The following TENM4 variants were observed in gnomAD, a reference collection of about 807,000 sequenced individuals.
The protein encoded by TENM4 is teneurin transmembrane protein 4, also known as teneurin-4.
TENM4 carries 82 observed loss-of-function variants against 243.3 expected under a neutral mutation model. That is an observed-to-expected ratio of 0.34 (90% CI 0.28 to 0.40). The LOEUF is 0.40. Among genes scored for constraint, TENM4 ranks in the 10% least tolerant of loss-of-function variants. The pLI is 1.00. For synonymous variants in TENM4, 1,412 were observed against 1,456.3 expected, an observed-to-expected ratio of 0.97 and a Z score of 0.69; for missense variants, 3,138 against 3,673.3, an observed-to-expected ratio of 0.85 and a Z score of 3.77.
At chr11:79,215,517 A>AC (rs113538412) in intron 3 of TENM4, among the ~76,000 whole-genome samples, 4,521 of 151,828 alleles carry the variant, frequency 0.03, 217 homozygotes, top group African/African-American at 0.1. Flanking sequence ...TGCTGCCAGC[A>AC]CCCCCATCAC....
intron 17 of TENM4, among the ~76,000 whole-genome samples, chr11:78,777,427 A>G (rs1856759157): frequency 6.6e-6 from 1 of 152,228 alleles, no homozygotes; most frequent in Non-Finnish European, 1.5e-5. Flanking sequence ...ATCTCTTATT[A>G]AAAGCCAATT....
At chr11:78,729,063 G>A (rs1348919935) in intron 22 of TENM4, among the ~76,000 whole-genome samples, 1 of 152,094 alleles carries the variant, frequency 6.6e-6, no homozygotes, top group Non-Finnish European at 1.5e-5. Context: ...GGATGGCTGT[G>A]GGGTGGCCAG....
intron 19 of TENM4, among the ~76,000 whole-genome samples, chr11:78,744,925 C>T (rs755544460): frequency 2.0e-5 from 3 of 152,140 alleles, no homozygotes; most frequent in Non-Finnish European, 4.4e-5. Flanking sequence ...TCATTTCTAA[C>T]CTCATAGCGA....
intron 17 of TENM4, among the ~76,000 whole-genome samples, chr11:78,776,927 A>G (rs1856751057): frequency 6.6e-6 from 1 of 152,124 alleles, no homozygotes; most frequent in African/African-American, 2.4e-5. Context: ...ACATGGATAA[A>G]GTCAGGAAAT....
intron 1 of TENM4, among the ~76,000 whole-genome samples, chr11:79,303,213 A>G (rs1856577258): frequency 6.6e-6 from 1 of 152,168 alleles, no homozygotes; most frequent in Non-Finnish European, 1.5e-5. Flanking sequence ...GAGGAACTGG[A>G]ATAACTGGTG....
intron 2 of TENM4, among the ~76,000 whole-genome samples, chr11:79,238,672 CTCT>C (rs1864527601): frequency 1.3e-5 from 2 of 152,108 alleles, no homozygotes; most frequent in African/African-American, 4.8e-5. Flanking sequence ...CTTTCTCTCT[CTCT>C]CTCTCTCTCC....
intron 4 of TENM4, among the ~76,000 whole-genome samples, chr11:79,113,929 G>A (rs902961161): frequency 2.6e-5 from 4 of 152,160 alleles, no homozygotes; most frequent in African/African-American, 9.7e-5. Context: ...ACCAGACCTT[G>A]AGACTCTTTC....
chr11:79,273,096 G>A (rs186766350), intron 2 of TENM4, among the ~76,000 whole-genome samples: 305 of 152,218 alleles, frequency 2.0e-3, no homozygotes, highest in Non-Finnish European at 3.0e-3. Flanking sequence ...TGATTCTACC[G>A]CTTAACAAAT....
At chr11:78,983,362 C>A (rs1857845915) in intron 6 of TENM4, among the ~76,000 whole-genome samples, 1 of 152,210 alleles carries the variant, frequency 6.6e-6, no homozygotes, top group African/African-American at 2.4e-5. Flanking sequence ...TATTTTAAAA[C>A]AAACCTGTTA....
chr11:78,854,416 G>A, intron 11 of TENM4, 102 bp from the exon 12 acceptor site: 8 of 1,129,764 alleles, frequency 7.1e-6, no homozygotes, highest in Non-Finnish European at 9.5e-6. Flanking sequence ...AACACAAATA[G>A]AGGCAAAAAG....
rs1245580852 is a variant in TENM4, at chr11:79,035,841, T to A, written c.493+28897A>T. On this transcript the variant is annotated intron_variant, in intron 6 of 33. Transcript: ENST00000278550. ...AACACAAATATAAATCCTCCTTCCC[T>A]CCTTCCACCTCACCCATCCCACTCA... is the stretch of plus-strand genomic sequence containing the variant. Among the ~76,000 whole-genome samples, 14 of 152,164 alleles carry A rather than the reference T, an allele frequency of 9.2e-5. 1 individual carries two copies. The highest frequency in any genetic ancestry group is 3.4e-4 in the African/African-American group (14 of 41,446).
Position 79,063,936 on chromosome 11 carries a change from AT to A in TENM4, c.493+801del, listed in dbSNP as rs879553614. On this transcript the variant is annotated intron_variant, in intron 6 of 33. Coordinates refer to ENST00000278550, the MANE Select transcript of TENM4 (RefSeq NM_001098816.3). ...CCTCAAGTTTTAATCATTAAAGTTTATTTTTTTTTGTCTTTTTACTTTCTTT... is the reference window on the plus strand; with the variant it reads ...CCTCAAGTTTTAATCATTAAAGTTTATTTTTTTTGTCTTTTTACTTTCTTT... 3.0e-3 allele frequency among the ~76,000 whole-genome samples: 452 copies of A among 150,928 alleles called. 2 individuals are homozygous for A. Among genetic ancestry groups the A allele is most frequent in the Non-Finnish European group, 1.6e-3 (111 of 67,662 alleles).
intron 15 of TENM4, among the ~76,000 whole-genome samples, chr11:78,792,497 G>T (rs1857077432): frequency 1.3e-5 from 2 of 152,058 alleles, no homozygotes; most frequent in Non-Finnish European, 2.9e-5. Flanking sequence ...TTCCCCTACA[G>T]AAAGTCAAAC....
intron 6 of TENM4, among the ~76,000 whole-genome samples, chr11:78,956,462 T>A (rs1213006026): frequency 2.0e-5 from 3 of 152,218 alleles, no homozygotes; most frequent in Non-Finnish European, 4.4e-5. Context: ...CCTGCTGGTG[T>A]TGGCCTCCTG....
rs139863744 is a variant in TENM4 at position 79,359,422 on chromosome 11, A to G, written c.-320-61879T>C. ...GAAATCTTTTTTTGAGATACACACT[A>G]AAGTATTTACAGAGGAAATAATAGG... On this transcript the variant is annotated intron_variant, in intron 1 of 33. Transcript: ENST00000278550. Among the ~76,000 whole-genome samples, 532 of 152,256 alleles carry G rather than the reference A, an allele frequency of 3.5e-3. 2 individuals carry two copies. The highest frequency in any genetic ancestry group is 0.012 in the African/African-American group (506 of 41,544).
intron 32 of TENM4, among the ~76,000 whole-genome samples, chr11:78,665,569 G>A (rs1222413726): frequency 6.6e-6 from 1 of 152,216 alleles, no homozygotes; most frequent in Non-Finnish European, 1.5e-5. Context: ...ACAGCACCCA[G>A]CCAATAATCT....
chr11:78,729,985 G>C (rs983912348), intron 21 of TENM4, among the ~76,000 whole-genome samples: 1 of 152,202 alleles, frequency 6.6e-6, no homozygotes, highest in Non-Finnish European at 1.5e-5. Context: ...CTGTACAACA[G>C]GGATGACAGC....
At chr11:78,807,441 A>G (rs1440167422) in intron 14 of TENM4, among the ~76,000 whole-genome samples, 1 of 152,220 alleles carries the variant, frequency 6.6e-6, no homozygotes, top group African/African-American at 2.4e-5. Context: ...GGGCTACAAC[A>G]ACATTAACAG....
intron 6 of TENM4, among the ~76,000 whole-genome samples, chr11:78,973,044 T>C (rs1857577894): frequency 6.6e-6 from 1 of 152,258 alleles, no homozygotes; most frequent in African/African-American, 2.4e-5. Context: ...AACATTGCAT[T>C]GTATGGATAT....
Sources: allele counts gnomAD v4.1 joint callset (sites outside exome capture counted in the v4.1 genomes callset), GRCh38; gene constraint gnomAD v4.1.1; transcripts MANE v1.5; gene names NCBI Gene and HGNC (gene_info 2026-07-23, HGNC 2026-07-21).